Variants in COLGALT2 observed in about 807,000 individuals in gnomAD.
COLGALT2 encodes procollagen galactosyltransferase 2.
In COLGALT2, 49 loss-of-function variants were observed where a neutral mutation model predicts 73.4. That is an observed-to-expected ratio of 0.67 (90% CI 0.53 to 0.85). The LOEUF (loss-of-function observed/expected upper bound fraction) is 0.85, where lower values mean the gene tolerates loss of function less well. Among genes scored for constraint, COLGALT2 ranks in the 40% least tolerant of loss-of-function variants. The pLI, the probability that COLGALT2 is intolerant of heterozygous loss-of-function variation, is 0.00. For missense variants in COLGALT2, 722 were observed against 790.2 expected, an observed-to-expected ratio of 0.91 and a Z score of 1.03; for synonymous variants, 295 against 307.6, an observed-to-expected ratio of 0.96 and a Z score of 0.43.
At chr1:184,016,909 G>A (rs1471667628) in intron 1 of COLGALT2, among the ~76,000 whole-genome samples, 1 of 151,936 alleles carries the variant, frequency 6.6e-6, no homozygotes, top group Non-Finnish European at 1.5e-5. Context: ...ATATCTTTTT[G>A]TATAGAAAGA....
intron 6 of COLGALT2, 145 bp from the exon 7 acceptor site, chr1:183,954,983 G>T: frequency 3.0e-6 from 2 of 665,470 alleles, no homozygotes; most frequent in East Asian, 2.8e-5. Context: ...CCAGGATTGA[G>T]TAGCCACACA....
intron 1 of COLGALT2, among the ~76,000 whole-genome samples, chr1:184,008,279 G>T (rs192056088): frequency 2.8e-4 from 42 of 152,232 alleles, no homozygotes; most frequent in African/African-American, 9.6e-4. Flanking sequence ...AAAGAGAAAG[G>T]CTGAAATTAA....
intron 10 of COLGALT2, among the ~76,000 whole-genome samples, chr1:183,942,240 G>A (rs981571511): frequency 1.3e-5 from 2 of 151,930 alleles, no homozygotes; most frequent in Non-Finnish European, 2.9e-5. Context: ...GAGCCACTGC[G>A]CCCAGCCCAG....
At chr1:183,993,955 C>A (rs1436907396) in intron 1 of COLGALT2, among the ~76,000 whole-genome samples, 2 of 150,660 alleles carry the variant, frequency 1.3e-5, no homozygotes, top group South Asian at 2.1e-4. Context: ...AGAAGAGAAG[C>A]CTTTTGGTAC....
intron 1 of COLGALT2, among the ~76,000 whole-genome samples, chr1:184,009,343 TA>T (rs1476529733): frequency 6.6e-6 from 1 of 152,258 alleles, no homozygotes; most frequent in Non-Finnish European, 1.5e-5. Flanking sequence ...GTAATCAACA[TA>T]ATTTCCTTCA....
intron 1 of COLGALT2, among the ~76,000 whole-genome samples, chr1:184,021,299 A>C (rs1042228175): frequency 1.3e-5 from 2 of 152,088 alleles, no homozygotes; most frequent in Non-Finnish European, 2.9e-5. Context: ...CTTTTTAGTG[A>C]CTTATATGGT....
At position 184,037,719 on chromosome 1, in the gene COLGALT2, C is replaced by T. The variant is rs145462126; in HGVS notation, c.-362G>A. 12 of 950,516 alleles carry T rather than the reference C, an allele frequency of 1.3e-5. No homozygotes were observed. The African/African-American group carries it at 1.8e-4, about 14-fold the overall frequency. The allele number at this position is 950,516 out of a possible 1,614,324, so 58.9% of individuals were successfully genotyped here. A position where few individuals can be genotyped will look rare whatever the true frequency, so the allele number is the denominator to read the frequency against. ...TGAGGTCTGTGGCCTTCCCTAGAGC[C>T]GCGAGTTGTGGCCCTGTCTGCCAAT... On this transcript the variant is annotated 5_prime_UTR_variant, in exon 1 of 12. Transcript: ENST00000361927.
chr1:183,931,162 C>A (rs1157176208), downstream of COLGALT2, among the ~76,000 whole-genome samples: 1 of 152,024 alleles, frequency 6.6e-6, no homozygotes, highest in East Asian at 1.9e-4. Flanking sequence ...GATCATCAAA[C>A]CCCACTCTGA....
intron 1 of COLGALT2, among the ~76,000 whole-genome samples, chr1:184,022,568 T>C (rs1649209781): frequency 6.6e-6 from 1 of 152,212 alleles, no homozygotes; most frequent in African/African-American, 2.4e-5. Context: ...ACACAGAGTA[T>C]GGTTCTTCTG....
chr1:183,944,427 A>G lies in COLGALT2; in HGVS notation c.1270-104T>C, dbSNP rs145361647. On this transcript the variant is annotated intron_variant, in intron 9 of 11. Transcript: ENST00000361927. The stretch of plus-strand genomic sequence containing the variant: ...GTCACGAGTCTAGTAGCACAGATTC[A>G]TAACTGGAATCTAAGCAAATGGCCA... 892 of 1,298,054 alleles carry G rather than the reference A, an allele frequency of 6.9e-4. 5 individuals carry two copies. The African/African-American group carries it at 0.012, about 17-fold the overall frequency. The allele number at this position is 1,298,054 out of a possible 1,614,324, so 80.4% of individuals were successfully genotyped here.
intron 5 of COLGALT2, chr1:183,964,412 AT>A (rs1670807850): frequency 4.1e-6 from 1 of 241,324 alleles, no homozygotes; most frequent in Non-Finnish European, 7.9e-6. Context: ...TGAAATCCAC[AT>A]TTGATATGAA....
chr1:184,014,571 T>A (rs1648936962), intron 1 of COLGALT2, among the ~76,000 whole-genome samples: 1 of 152,228 alleles, frequency 6.6e-6, no homozygotes, highest in Non-Finnish European at 1.5e-5. Context: ...GAAGTTTGAC[T>A]CTAAGTCCTT....
rs531719153 is a variant in COLGALT2 at position 183,969,138 on chromosome 1, T to C, written c.832+131A>G. On this transcript the variant is annotated intron_variant, in intron 5 of 11. Coordinates refer to ENST00000361927, the MANE Select transcript of COLGALT2 (RefSeq NM_015101.4). ...AACATAGAGGGTGCTGGTATGGTTA[T>C]TGCAGACAATTTACTGCCTCTCACT... is the stretch of plus-strand genomic sequence containing the variant. The C allele has an allele frequency of 6.8e-4, 484 of 710,708 alleles. 1 individual carries two copies. In the African/African-American group the frequency reaches 7.2e-3, roughly 11 times the overall value. 44.0% of individuals were successfully genotyped at this position (710,708 alleles called of 1,614,324 possible).
At chr1:184,010,800 T>G (rs1672214439) in intron 1 of COLGALT2, among the ~76,000 whole-genome samples, 1 of 152,208 alleles carries the variant, frequency 6.6e-6, no homozygotes, top group Admixed American at 6.5e-5. Context: ...CAGTCAGCCT[T>G]TGCTCCAAAA....
intron 7 of COLGALT2, 68 bp from the exon 8 acceptor site, chr1:183,951,181 GT>G (rs1670390635): frequency 6.1e-6 from 7 of 1,149,896 alleles, no homozygotes; most frequent in Non-Finnish European, 9.2e-6. Context: ...TGTTTGAAAA[GT>G]TTAGTAAATG....
At chr1:183,974,521 G>C (rs1023501098) in intron 3 of COLGALT2, among the ~76,000 whole-genome samples, 10 of 152,164 alleles carry the variant, frequency 6.6e-5, no homozygotes, top group Admixed American at 6.5e-4. Context: ...AATATTGTCA[G>C]TACAATTTGA....
At chr1:184,011,379 T>A (rs116265975) in intron 1 of COLGALT2, among the ~76,000 whole-genome samples, 75 of 152,306 alleles carry the variant, frequency 4.9e-4, no homozygotes, top group African/African-American at 1.8e-3. Flanking sequence ...AGATAAATTA[T>A]CCAGAGAGAG....
chr1:183,978,327 A>G, intron 2 of COLGALT2, 83 bp downstream of exon 2: 1 of 716,840 alleles, frequency 1.4e-6, no homozygotes, highest in Non-Finnish European at 2.4e-6. Context: ...AGTCACATGT[A>G]CCTCCAAACC....
chr1:183,933,381 A>G (rs759213981), downstream of COLGALT2, among the ~76,000 whole-genome samples: 4 of 151,996 alleles, frequency 2.6e-5, no homozygotes, highest in Non-Finnish European at 5.9e-5. Flanking sequence ...GGCTTGCACC[A>G]CTCTGTCCCT....
Sources: allele counts gnomAD v4.1 joint callset (sites outside exome capture counted in the v4.1 genomes callset), GRCh38; gene constraint gnomAD v4.1.1; transcripts MANE v1.5; gene names NCBI Gene and HGNC (gene_info 2026-07-23, HGNC 2026-07-21).